The following LINGO2 variants were observed in gnomAD, a reference collection of about 807,000 sequenced individuals.
LINGO2 encodes leucine rich repeat and Ig domain containing 2.
In LINGO2, 14 loss-of-function variants were observed where a neutral mutation model predicts 30.6. The ratio of observed to expected loss-of-function variants is 0.46; its 90% CI spans 0.30 to 0.72. The LOEUF (loss-of-function observed/expected upper bound fraction) is 0.72. Ranked by LOEUF, LINGO2 falls within the 30% of genes least tolerant of loss-of-function variation. The pLI is 0.07. For synonymous variants in LINGO2, 317 were observed against 288.5 expected (o/e 1.10, Z -1.00); for missense variants, 729 against 751.7 (o/e 0.97, Z 0.35).
chr9:28,010,568 G>T (rs1023514970), intron 5 of LINGO2, among the ~76,000 whole-genome samples: 1 of 152,188 alleles, frequency 6.6e-6, no homozygotes, highest in Admixed American at 6.5e-5. Flanking sequence ...ACCCAGTCAG[G>T]TTTATTTCTT....
chr9:28,596,923 G>A lies in LINGO2; in HGVS notation c.-365+73277C>T, dbSNP rs577889568. ...GGTAAACAAGCCAGGCTCCAGTGCG[G>A]GTCCCCTGTGTTCCATGGCTATACA... On this transcript the variant is annotated intron_variant, in intron 1 of 5. Coordinates refer to ENST00000379992, the Ensembl canonical transcript of LINGO2. Among the ~76,000 whole-genome samples, 25 of 152,116 alleles carry A rather than the reference G, an allele frequency of 1.6e-4. No individual in the cohort carries two copies. In the South Asian group the frequency reaches 5.0e-3, roughly 30 times the overall value.
chr9:29,136,239 T>A, the LINGO2 span, among the ~76,000 whole-genome samples: 1 of 152,270 alleles, frequency 6.6e-6, no homozygotes, highest in African/African-American at 2.4e-5. Flanking sequence ...ATTTTCAACT[T>A]CTTTCTGATG....
the LINGO2 span, among the ~76,000 whole-genome samples, chr9:29,179,770 T>C: frequency 6.6e-6 from 1 of 152,196 alleles, no homozygotes; most frequent in Admixed American, 6.5e-5. Flanking sequence ...CTAAAAAATG[T>C]ATATTTTTGC....
chr9:28,407,230 G>A (rs1175490955), intron 2 of LINGO2, among the ~76,000 whole-genome samples: 1 of 147,304 alleles, frequency 6.8e-6, no homozygotes, highest in East Asian at 2.0e-4. Context: ...AAAAAAAGGA[G>A]GGAGGGGCAG....
the LINGO2 span, among the ~76,000 whole-genome samples, chr9:29,172,686 A>G: frequency 6.6e-5 from 10 of 152,022 alleles, no homozygotes; most frequent in South Asian, 2.1e-4. Context: ...TATAGTTGAC[A>G]TCAATGTGTT....
At position 28,233,061 on chromosome 9, in the gene LINGO2, T is replaced by TATATACAA. The variant is rs60875467; in HGVS notation, c.-87+62146_-87+62147insTTGTATAT. Among the ~76,000 whole-genome samples, 387 of 118,808 alleles carry TATATACAA rather than the reference T, an allele frequency of 3.3e-3. 8 individuals are homozygous for TATATACAA. Among genetic ancestry groups the TATATACAA allele is most frequent in the Middle Eastern group, 8.7e-3 (2 of 230 alleles). The allele number at this position is 118,808 out of a possible 152,430, so 77.9% of individuals were successfully genotyped here. A position where few individuals can be genotyped will look rare whatever the true frequency, so the allele number is the denominator to read the frequency against. ...ATATATATATATATATATATATATA[T>TATATACAA]TAGATATATAATAGATATACAGTAA... On this transcript the variant is annotated intron_variant, in intron 4 of 5. Coordinates refer to ENST00000379992, the Ensembl canonical transcript of LINGO2.
intron 4 of LINGO2, among the ~76,000 whole-genome samples, chr9:28,041,458 G>GTA (rs1824193615): frequency 6.6e-6 from 1 of 152,032 alleles, no homozygotes; most frequent in African/African-American, 2.4e-5. Flanking sequence ...ATAATGCTAG[G>GTA]TATGTAGAAT....
chr9:28,926,499 A>C, the LINGO2 span, among the ~76,000 whole-genome samples: 1 of 151,072 alleles, frequency 6.6e-6, no homozygotes, highest in African/African-American at 2.4e-5. Flanking sequence ...ACAAAGATAT[A>C]ATCTAAAAGC....
the LINGO2 span, among the ~76,000 whole-genome samples, chr9:28,728,977 C>T: frequency 6.6e-6 from 1 of 152,112 alleles, no homozygotes; most frequent in African/African-American, 2.4e-5. Context: ...GAAAAATATA[C>T]TTCCTTCCAA....
chr9:28,008,895 T>A (rs1224836667), intron 5 of LINGO2, among the ~76,000 whole-genome samples: 1 of 152,110 alleles, frequency 6.6e-6, no homozygotes, highest in Non-Finnish European at 1.5e-5. Flanking sequence ...TGCTTTTTGT[T>A]TGCAGAAATA....
chr9:28,072,875 C>T (rs950244181), intron 4 of LINGO2, among the ~76,000 whole-genome samples: 2 of 151,982 alleles, frequency 1.3e-5, no homozygotes, highest in African/African-American at 4.8e-5. Context: ...TGCTTTTAGG[C>T]ACTCTGATAG....
At position 28,010,321 on chromosome 9, in the gene LINGO2, A is replaced by T. The variant is rs1166825481; in HGVS notation, c.-36+2034T>A. Among the ~76,000 whole-genome samples, 7 of 152,204 alleles carry T rather than the reference A, an allele frequency of 4.6e-5. No homozygotes were observed. In the South Asian group the frequency reaches 1.4e-3, roughly 32 times the overall value. On this transcript the variant is annotated intron_variant, in intron 5 of 5. Transcript: ENST00000379992. ...TTTGTATGGAGATAGTTTGAGTTGT[A>T]ACAGCATTGAGTCAGCATGACTCTG...
intron 4 of LINGO2, among the ~76,000 whole-genome samples, chr9:28,132,395 T>A (rs1044667840): frequency 4.6e-5 from 7 of 152,116 alleles, no homozygotes; most frequent in Admixed American, 3.9e-4. Context: ...TAATGTGGTT[T>A]CTCCCAACTC....
chr9:29,058,803 A>C, the LINGO2 span, among the ~76,000 whole-genome samples: 1 of 152,084 alleles, frequency 6.6e-6, no homozygotes, highest in Non-Finnish European at 1.5e-5. Context: ...CACAGGACAC[A>C]GTGAAACAAA....
intron 4 of LINGO2, among the ~76,000 whole-genome samples, chr9:28,119,825 A>G (rs979697546): frequency 6.6e-6 from 1 of 152,204 alleles, no homozygotes; most frequent in Non-Finnish European, 1.5e-5. Flanking sequence ...CCTTAGAACT[A>G]TAGGTAAATG....
chr9:29,076,692 C>T, the LINGO2 span, among the ~76,000 whole-genome samples: 1 of 149,510 alleles, frequency 6.7e-6, no homozygotes, highest in Non-Finnish European at 1.5e-5. Flanking sequence ...AGACACACAA[C>T]GTAAGGGACA....
At chr9:28,346,644 T>C (rs575953388) in intron 3 of LINGO2, among the ~76,000 whole-genome samples, 55 of 152,304 alleles carry the variant, frequency 3.6e-4, no homozygotes, top group Admixed American at 4.6e-4. Flanking sequence ...AACTAATTTA[T>C]AATCCCACCA....
chr9:28,001,492 T>G (rs1456188196), intron 5 of LINGO2, among the ~76,000 whole-genome samples: 1 of 152,130 alleles, frequency 6.6e-6, no homozygotes, highest in Non-Finnish European at 1.5e-5. Flanking sequence ...GCCCAGAAAG[T>G]GTGCAAAATA....
chr9:28,510,264 C>T (rs1250624527), intron 1 of LINGO2, among the ~76,000 whole-genome samples: 1 of 152,038 alleles, frequency 6.6e-6, no homozygotes, highest in South Asian at 2.1e-4. Context: ...CTTTTCACTC[C>T]CATCACTTAA....
Sources: allele counts gnomAD v4.1 joint callset (sites outside exome capture counted in the v4.1 genomes callset), GRCh38; gene constraint gnomAD v4.1.1; transcripts MANE v1.5; gene names NCBI Gene and HGNC (gene_info 2026-07-23, HGNC 2026-07-21).